SEMA3D: variants seen among roughly 807,000 people sequenced by gnomAD.
The protein encoded by SEMA3D is semaphorin-3D.
SEMA3D carries 84 observed loss-of-function variants against 100.1 expected under a neutral mutation model. The ratio of observed to expected loss-of-function variants is 0.84; its 90% CI spans 0.70 to 1.01. SEMA3D has a LOEUF of 1.01. Ranked by LOEUF, SEMA3D falls within the 50% of genes least tolerant of loss-of-function variation. SEMA3D has a pLI of 0.00. For synonymous variants in SEMA3D, 312 were observed against 320.7 expected (o/e 0.97, Z 0.29); for missense variants, 875 against 934.1 (o/e 0.94, Z 0.82).
the SEMA3D span, among the ~76,000 whole-genome samples, chr7:85,210,099 G>A: frequency 3.3e-5 from 5 of 151,982 alleles, no homozygotes; most frequent in African/African-American, 1.2e-4. Context: ...TTAACTAATG[G>A]GAGGCTCTAA....
chr7:85,165,417 C>T (rs919557250), intron 1 of SEMA3D, among the ~76,000 whole-genome samples: 6 of 151,968 alleles, frequency 3.9e-5, no homozygotes, highest in Admixed American at 6.6e-5. Flanking sequence ...GTGAGAAAGA[C>T]GTGATGTAAT....
At chr7:85,217,714 CT>C in the SEMA3D span, among the ~76,000 whole-genome samples, 1 of 151,966 alleles carries the variant, frequency 6.6e-6, no homozygotes, top group African/African-American at 2.4e-5. Flanking sequence ...TACTAATGTT[CT>C]TTTTTATGAA....
At chr7:85,196,370 A>G in the SEMA3D span, among the ~76,000 whole-genome samples, 1 of 152,140 alleles carries the variant, frequency 6.6e-6, no homozygotes, top group Non-Finnish European at 1.5e-5. Flanking sequence ...ACAAACAAAC[A>G]TGGAAGAATA....
At chr7:85,084,729 G>A (rs1014253690) in intron 4 of SEMA3D, among the ~76,000 whole-genome samples, 2 of 151,914 alleles carry the variant, frequency 1.3e-5, no homozygotes, top group African/African-American at 2.4e-5. Flanking sequence ...CCTAGTACAC[G>A]TTAGTTATTT....
chr7:85,236,326 G>T, the SEMA3D span, among the ~76,000 whole-genome samples: 2 of 126,614 alleles, frequency 1.6e-5, no homozygotes, highest in Non-Finnish European at 1.6e-5. Context: ...TATTTATTTA[G>T]AGATGGGGTC....
chr7:85,105,702 C>G (rs1187581351), intron 3 of SEMA3D, among the ~76,000 whole-genome samples: 3 of 152,086 alleles, frequency 2.0e-5, no homozygotes, highest in Non-Finnish European at 4.4e-5. Context: ...AGAACACAAA[C>G]AAATCAAATT....
At chr7:85,093,104 C>G (rs555564437) in intron 4 of SEMA3D, among the ~76,000 whole-genome samples, 1 of 151,848 alleles carries the variant, frequency 6.6e-6, no homozygotes, top group Non-Finnish European at 1.5e-5. Context: ...TTTTATGTTT[C>G]CCTTGGGTTA....
chr7:85,060,337 T>C (rs1039010358), intron 8 of SEMA3D, among the ~76,000 whole-genome samples: 2 of 152,200 alleles, frequency 1.3e-5, no homozygotes, highest in African/African-American at 4.8e-5. Flanking sequence ...GTTTATTTCT[T>C]GCAGATTCTG....
At chr7:85,033,502 TA>T (rs1790602292) in intron 12 of SEMA3D, among the ~76,000 whole-genome samples, 1 of 152,134 alleles carries the variant, frequency 6.6e-6, no homozygotes. Flanking sequence ...GAAAATAATG[TA>T]ACCAGGATGC....
chr7:85,067,907 A>T (rs543011345), intron 7 of SEMA3D, among the ~76,000 whole-genome samples: 9 of 152,168 alleles, frequency 5.9e-5, no homozygotes, highest in Non-Finnish European at 1.2e-4. Flanking sequence ...AGACATCTAA[A>T]TATAAAATTA....
At chr7:85,003,418 T>C (rs982272377) in intron 18 of SEMA3D, among the ~76,000 whole-genome samples, 15 of 151,938 alleles carry the variant, frequency 9.9e-5, no homozygotes, top group Non-Finnish European at 1.0e-4. Context: ...AAATACAATA[T>C]GCAAAATGTA....
intron 4 of SEMA3D, among the ~76,000 whole-genome samples, chr7:85,097,577 G>T (rs1788599459): frequency 6.6e-6 from 1 of 151,540 alleles, no homozygotes; most frequent in African/African-American, 2.4e-5. Flanking sequence ...TATTTTCAAA[G>T]CTTTTATTAT....
chr7:85,014,448 T>C (rs1468396), intron 16 of SEMA3D, among the ~76,000 whole-genome samples: 56,555 of 151,678 alleles, frequency 0.37, 11,400 homozygotes, highest in African/African-American at 0.54. Flanking sequence ...TGCACATGTG[T>C]ATATAGAACA....
At chr7:85,245,363 A>G in the SEMA3D span, among the ~76,000 whole-genome samples, 1 of 152,232 alleles carries the variant, frequency 6.6e-6, no homozygotes, top group Non-Finnish European at 1.5e-5. Context: ...ATTGTGCCTG[A>G]ATAAAGACTG....
intron 8 of SEMA3D, among the ~76,000 whole-genome samples, chr7:85,062,755 A>G (rs920800288): frequency 6.6e-6 from 1 of 152,202 alleles, no homozygotes; most frequent in African/African-American, 2.4e-5. Context: ...CTTTTAATCT[A>G]GAATAAAAAT....
intron 17 of SEMA3D, among the ~76,000 whole-genome samples, chr7:85,008,761 G>A (rs6962714): frequency 0.25 from 38,326 of 151,608 alleles, 5,295 homozygotes; most frequent in Non-Finnish European, 0.33. Context: ...AGTCAGGAAT[G>A]ATGGTGATGC....
chr7:85,158,859 A>G (rs1303089023), intron 1 of SEMA3D, among the ~76,000 whole-genome samples: 1 of 152,158 alleles, frequency 6.6e-6, no homozygotes, highest in Non-Finnish European at 1.5e-5. Context: ...TACATGAAAT[A>G]TCAGAGGTGA....
the SEMA3D span, among the ~76,000 whole-genome samples, chr7:85,225,050 TTATATATATATATATATATATATATA>T: frequency 2.2e-3 from 170 of 77,424 alleles, 4 homozygotes; most frequent in Admixed American, 0.013. Context: ...TGATTTTCTT[TTATATATATATATATATATATATATA>T]TATATATATA....
At position 85,042,865 on chromosome 7, in the gene SEMA3D, T is replaced by C. The variant is rs534771320; in HGVS notation, c.862-580A>G. Among the ~76,000 whole-genome samples, 8 of 152,036 alleles carry C rather than the reference T, an allele frequency of 5.3e-5. No homozygotes were observed. The East Asian group carries it at 1.6e-3, about 29-fold the overall frequency. ...AAATATGGTTGGTTTGATGAGTAAATGGGGAAAAAAAGTCTATAAAATGCT... is the reference window on the plus strand; with the variant it reads ...AAATATGGTTGGTTTGATGAGTAAACGGGGAAAAAAAGTCTATAAAATGCT... On this transcript the variant is annotated intron_variant, in intron 9 of 18. Transcript: ENST00000284136.
Sources: allele counts gnomAD v4.1 joint callset (sites outside exome capture counted in the v4.1 genomes callset), GRCh38; gene constraint gnomAD v4.1.1; transcripts MANE v1.5; gene names NCBI Gene and HGNC (gene_info 2026-07-23, HGNC 2026-07-21).